DNAJC5B: variants seen among roughly 807,000 people sequenced by gnomAD.
DNAJC5B encodes the protein DnaJ heat shock protein family (Hsp40) member C5 beta.
In DNAJC5B, 23 loss-of-function variants were observed where a neutral mutation model predicts 24.7. That is an observed-to-expected ratio of 0.93 (90% CI 0.67 to 1.32). The LOEUF (loss-of-function observed/expected upper bound fraction) is 1.32, where lower values mean the gene tolerates loss of function less well. DNAJC5B is among the 40% of genes most tolerant of loss of function. The pLI is 0.00. For missense variants in DNAJC5B, 238 were observed against 240.8 expected, an observed-to-expected ratio of 0.99 and a Z score of 0.08; for synonymous variants, 101 against 90.1, an observed-to-expected ratio of 1.12 and a Z score of -0.68.
intron 4 of DNAJC5B, among the ~76,000 whole-genome samples, chr8:66,077,194 G>T (rs1167644393): frequency 6.6e-6 from 1 of 152,180 alleles, no homozygotes; most frequent in Non-Finnish European, 1.5e-5. Flanking sequence ...TGTGACAACT[G>T]CTTAATAAAT....
Position 66,049,711 on chromosome 8 carries a change from T to C in DNAJC5B, c.-17-1820T>C, listed in dbSNP as rs562624941. Among the ~76,000 whole-genome samples, 3 of 152,364 alleles carry C rather than the reference T, an allele frequency of 2.0e-5. No individual in the cohort carries two copies. The South Asian group carries it at 6.2e-4, about 32-fold the overall frequency. ...GCTGTGGGTGTTATCATAATCCGTGTAGTAGATTATCTTCAGTAACCTGTA... is the reference window on the plus strand; with the variant it reads ...GCTGTGGGTGTTATCATAATCCGTGCAGTAGATTATCTTCAGTAACCTGTA... On this transcript the variant is annotated intron_variant, in intron 2 of 5. Coordinates refer to ENST00000276570, the MANE Select transcript of DNAJC5B (RefSeq NM_033105.6).
At chr8:66,044,437 C>T (rs947979479) in intron 2 of DNAJC5B, among the ~76,000 whole-genome samples, 3 of 151,952 alleles carry the variant, frequency 2.0e-5, no homozygotes, top group Admixed American at 6.5e-5. Context: ...TCTATTTTTT[C>T]AAACTTCACA....
intron 1 of DNAJC5B, among the ~76,000 whole-genome samples, chr8:66,023,179 T>G (rs998967197): frequency 1.3e-5 from 2 of 152,220 alleles, no homozygotes; most frequent in Non-Finnish European, 2.9e-5. Flanking sequence ...TGCTGGGGAC[T>G]AAAGTTTAAG....
At chr8:66,096,720 T>C (rs1395216575) in intron 5 of DNAJC5B, among the ~76,000 whole-genome samples, 1 of 152,188 alleles carries the variant, frequency 6.6e-6, no homozygotes, top group East Asian at 1.9e-4. Context: ...GTGGTAAATA[T>C]GTTTTCATCA....
intron 3 of DNAJC5B, among the ~76,000 whole-genome samples, chr8:66,076,071 G>A (rs975990063): frequency 6.6e-6 from 1 of 152,138 alleles, no homozygotes; most frequent in African/African-American, 2.4e-5. Context: ...ATTATTAAGT[G>A]GAAAACCCTA....
chr8:66,036,182 C>T (rs575429045), intron 1 of DNAJC5B, among the ~76,000 whole-genome samples: 1 of 152,342 alleles, frequency 6.6e-6, no homozygotes, highest in South Asian at 2.1e-4. Flanking sequence ...GAGGACATCT[C>T]TTAGCCTTGG....
At chr8:66,090,088 G>C (rs1807813858) in intron 5 of DNAJC5B, among the ~76,000 whole-genome samples, 1 of 151,970 alleles carries the variant, frequency 6.6e-6, no homozygotes, top group Non-Finnish European at 1.5e-5. Flanking sequence ...GTGAAATTTG[G>C]GGTGGTATAT....
intron 5 of DNAJC5B, among the ~76,000 whole-genome samples, chr8:66,084,253 C>T (rs1219559513): frequency 6.6e-6 from 1 of 152,082 alleles, no homozygotes; most frequent in East Asian, 1.9e-4. Flanking sequence ...GAAGGGGACT[C>T]ACTTAAGGTT....
At chr8:66,049,515 G>T (rs565576770) in intron 2 of DNAJC5B, among the ~76,000 whole-genome samples, 1 of 152,206 alleles carries the variant, frequency 6.6e-6, no homozygotes, top group Non-Finnish European at 1.5e-5. Flanking sequence ...CAGGTTTGTA[G>T]TCTAGGAGCA....
intron 3 of DNAJC5B, among the ~76,000 whole-genome samples, chr8:66,073,708 G>A (rs1221445922): frequency 6.6e-6 from 1 of 152,140 alleles, no homozygotes; most frequent in African/African-American, 2.4e-5. Flanking sequence ...GCAGAATAGA[G>A]ATCCCAGAAA....
chr8:66,044,105 G>A (rs983566151), intron 2 of DNAJC5B, among the ~76,000 whole-genome samples: 3 of 152,300 alleles, frequency 2.0e-5, no homozygotes, highest in East Asian at 1.9e-4. Flanking sequence ...TTACAGGTGC[G>A]AGCCCGGCCA....
rs73244922 is a variant in DNAJC5B at position 66,068,774 on chromosome 8, C to A, written c.120-7886C>A. Among the ~76,000 whole-genome samples, 133 of 152,182 alleles carry A rather than the reference C, an allele frequency of 8.7e-4. 1 individual carries two copies. The highest frequency in any genetic ancestry group is 3.1e-3 in the African/African-American group (129 of 41,568). The stretch of plus-strand genomic sequence containing the variant: ...TAAAATAAAGACAAAGAACTCTATA[C>A]CCAGGCACATCACAGGAAAACTTCC... On this transcript the variant is annotated intron_variant, in intron 3 of 5. Coordinates refer to ENST00000276570, the MANE Select transcript of DNAJC5B (RefSeq NM_033105.6).
chr8:66,029,940 G>A (rs1806325079), intron 1 of DNAJC5B, among the ~76,000 whole-genome samples: 1 of 152,162 alleles, frequency 6.6e-6, no homozygotes, highest in Non-Finnish European at 1.5e-5. Flanking sequence ...TATGGGGCCT[G>A]GATCTCATTC....
intron 3 of DNAJC5B, among the ~76,000 whole-genome samples, chr8:66,065,740 T>C (rs1807178195): frequency 6.6e-6 from 1 of 152,164 alleles, no homozygotes; most frequent in Non-Finnish European, 1.5e-5. Context: ...TGCTTCGATA[T>C]GGCTGTGTGA....
rs1586082055 is a variant in DNAJC5B, at chr8:66,051,554, T to C, written c.7T>C (p.Cys3Arg). Residue 3 changes from cysteine (C) to arginine (R), a missense_variant, in exon 3 of 6, where the codon TGT becomes CGT. Physicochemically the swap from Cys to Arg is radical, Grantham distance 180. Transcript: ENST00000276570. MA[C>R]NIPNQRQRTL... The stretch of plus-strand genomic sequence containing the variant: ...AGTTTTGCAGCCTTAGAAAATGGCA[T>C]GTAACATACCTAACCAAAGACAGCG... 1.2e-6 allele frequency: 2 copies of C among 1,611,228 alleles called. No homozygotes were observed. The highest frequency in any genetic ancestry group is 1.7e-6 in the Non-Finnish European group (2 of 1,179,140).
At chr8:66,080,624 C>T (rs1479902137) in intron 5 of DNAJC5B, 76 bp downstream of exon 5, 1 of 1,327,538 alleles carries the variant, frequency 7.5e-7, no homozygotes, top group East Asian at 2.5e-5. Flanking sequence ...ACGGGGACAG[C>T]TATCACTATA....
At chr8:66,067,729 C>G (rs995157173) in intron 3 of DNAJC5B, among the ~76,000 whole-genome samples, 4 of 152,126 alleles carry the variant, frequency 2.6e-5, no homozygotes, top group African/African-American at 9.7e-5. Flanking sequence ...GCAGCCCTAG[C>G]TGAGCTCCCA....
intron 3 of DNAJC5B, chr8:66,057,277 G>A (rs904740013): frequency 1.3e-5 from 2 of 152,010 alleles, no homozygotes; most frequent in African/African-American, 2.4e-5. Flanking sequence ...GGAAACTATA[G>A]AACCAAAAAA....
intron 5 of DNAJC5B, 129 bp downstream of exon 5, chr8:66,080,677 T>G: frequency 1.3e-6 from 1 of 758,584 alleles, no homozygotes; most frequent in Middle Eastern, 3.7e-4. Flanking sequence ...CTTCACAGAC[T>G]GTCAGCTTTG....
Sources: gnomAD v4.1 joint callset for allele counts (sites outside exome capture counted in the v4.1 genomes callset) on GRCh38, gnomAD v4.1.1 for gene constraint, MANE v1.5 for transcripts, NCBI Gene and HGNC (gene_info 2026-07-23, HGNC 2026-07-21) for gene names.